ALK: variants seen among roughly 807,000 people sequenced by gnomAD.
The protein encoded by ALK is ALK receptor tyrosine kinase, also known as ALK tyrosine kinase receptor.
A neutral mutation model predicts 163.1 loss-of-function variants in ALK; 74 were observed. The observed-to-expected ratio is 0.45, with a 90% CI of 0.38 to 0.55. The LOEUF (loss-of-function observed/expected upper bound fraction) is 0.55. Ranked by LOEUF, ALK falls within the 20% of genes least tolerant of loss-of-function variation. The pLI, the probability that ALK is intolerant of heterozygous loss-of-function variation, is 0.00. For missense variants in ALK, 2,063 were observed against 2,105.3 expected, an observed-to-expected ratio of 0.98 and a Z score of 0.39; for synonymous variants, 960 against 843.2, an observed-to-expected ratio of 1.14 and a Z score of -2.40.
At chr2:29,849,144 C>G (rs1665929810) in intron 1 of ALK, among the ~76,000 whole-genome samples, 1 of 152,178 alleles carries the variant, frequency 6.6e-6, no homozygotes, top group Admixed American at 6.5e-5. Flanking sequence ...TCCTGAGGGC[C>G]CCACTCGGGC....
chr2:29,398,911 G>A (rs556025342), intron 4 of ALK, among the ~76,000 whole-genome samples: 1 of 152,266 alleles, frequency 6.6e-6, no homozygotes, highest in Admixed American at 6.5e-5. Flanking sequence ...CTGCTCCAAG[G>A]CAGTTAATGG....
chr2:29,268,188 G>A (rs1164913401), intron 11 of ALK, among the ~76,000 whole-genome samples: 1 of 152,186 alleles, frequency 6.6e-6, no homozygotes, highest in Non-Finnish European at 1.5e-5. Flanking sequence ...GGTTCATGAG[G>A]CATCTTTGAG....
intron 1 of ALK, among the ~76,000 whole-genome samples, chr2:29,725,639 CTT>C (rs369165796): frequency 2.7e-5 from 4 of 145,576 alleles, no homozygotes; most frequent in African/African-American, 5.0e-5. Flanking sequence ...GATTTCTTTT[CTT>C]TTTTTTTTTG....
chr2:29,883,942 A>G (rs1291652534), intron 1 of ALK, among the ~76,000 whole-genome samples: 1 of 152,226 alleles, frequency 6.6e-6, no homozygotes, highest in Admixed American at 6.5e-5. Flanking sequence ...TTACTACCAT[A>G]AAACATACAC....
intron 4 of ALK, among the ~76,000 whole-genome samples, chr2:29,416,176 G>A (rs1669872049): frequency 6.6e-6 from 1 of 152,242 alleles, no homozygotes; most frequent in Non-Finnish European, 1.5e-5. Flanking sequence ...AGAACCCTGA[G>A]TGAATACAAG....
intron 1 of ALK, among the ~76,000 whole-genome samples, chr2:29,825,615 A>T (rs1195882896): frequency 6.6e-6 from 1 of 152,178 alleles, no homozygotes; most frequent in African/African-American, 2.4e-5. Context: ...CAGATTAAGG[A>T]TGATGACTTC....
At chr2:29,917,182 C>G (rs982656091) in intron 1 of ALK, among the ~76,000 whole-genome samples, 5 of 152,110 alleles carry the variant, frequency 3.3e-5, no homozygotes, top group African/African-American at 9.7e-5. Context: ...TGGTCTGAGC[C>G]AAATGGGCTG....
At chr2:29,525,164 C>A (rs1184798267) in intron 4 of ALK, among the ~76,000 whole-genome samples, 1 of 152,098 alleles carries the variant, frequency 6.6e-6, no homozygotes, top group African/African-American at 2.4e-5. Context: ...CCTTGGATAC[C>A]CTCCAGCTAC....
intron 3 of ALK, among the ~76,000 whole-genome samples, chr2:29,626,656 G>A (rs1207083897): frequency 6.6e-6 from 1 of 152,210 alleles, no homozygotes; most frequent in Non-Finnish European, 1.5e-5. Flanking sequence ...CCCTCCCCAT[G>A]TGAGGACACA....
At chr2:29,887,366 T>C (rs1056188701) in intron 1 of ALK, among the ~76,000 whole-genome samples, 2 of 152,190 alleles carry the variant, frequency 1.3e-5, no homozygotes, top group Admixed American at 6.5e-5. Flanking sequence ...CTCAGAGCAC[T>C]TGGAAGTCTT....
intron 1 of ALK, among the ~76,000 whole-genome samples, chr2:29,833,982 G>A (rs147167746): frequency 6.6e-5 from 10 of 152,278 alleles, no homozygotes; most frequent in African/African-American, 2.4e-4. Context: ...TCAAGCCAGG[G>A]AGCACAGTTT....
At chr2:29,219,630 A>C (rs1438368588) in intron 23 of ALK, among the ~76,000 whole-genome samples, 1 of 152,210 alleles carries the variant, frequency 6.6e-6, no homozygotes, top group Admixed American at 6.5e-5. Context: ...GGCCTGCTGA[A>C]GACCTGCAGA....
chr2:29,674,917 C>T (rs991840819), intron 3 of ALK, among the ~76,000 whole-genome samples: 8 of 126,654 alleles, frequency 6.3e-5, no homozygotes, highest in East Asian at 4.4e-4. Context: ...GTGTATGTGT[C>T]GAGGAATTTA....
At chr2:29,324,952 G>A (rs1667206470) in intron 6 of ALK, among the ~76,000 whole-genome samples, 1 of 152,154 alleles carries the variant, frequency 6.6e-6, no homozygotes, top group Admixed American at 6.5e-5. Context: ...ACTCATCCTG[G>A]ACAACTGTTA....
chr2:29,523,375 T>C (rs572263655), intron 4 of ALK, among the ~76,000 whole-genome samples: 86 of 152,310 alleles, frequency 5.6e-4, no homozygotes, highest in African/African-American at 2.0e-3. Flanking sequence ...CATAACTGTG[T>C]CTGTCGTCCA....
chr2:29,414,968 T>C (rs1239498260), intron 4 of ALK, among the ~76,000 whole-genome samples: 1 of 151,920 alleles, frequency 6.6e-6, no homozygotes, highest in Non-Finnish European at 1.5e-5. Flanking sequence ...CGTGGAGGTG[T>C]GGCTCCAGGC....
chr2:29,848,308 A>G (rs1246607822), intron 1 of ALK, among the ~76,000 whole-genome samples: 2 of 151,692 alleles, frequency 1.3e-5, no homozygotes, highest in East Asian at 3.9e-4. Flanking sequence ...CAGAACATGC[A>G]GCCTGCATGT....
At chr2:29,655,761 T>C (rs965677496) in intron 3 of ALK, among the ~76,000 whole-genome samples, 4 of 152,326 alleles carry the variant, frequency 2.6e-5, no homozygotes, top group Admixed American at 1.3e-4. Flanking sequence ...ATACTCTTCA[T>C]AGAAAGAAAA....
chr2:29,722,501 C>T (rs1003478686), intron 1 of ALK, among the ~76,000 whole-genome samples: 11 of 152,210 alleles, frequency 7.2e-5, no homozygotes, highest in African/African-American at 2.4e-4. Flanking sequence ...GAAAACCATA[C>T]AGTGAATTTC....
Sources: allele counts gnomAD v4.1 joint callset (sites outside exome capture counted in the v4.1 genomes callset), GRCh38; gene constraint gnomAD v4.1.1; transcripts MANE v1.5; gene names NCBI Gene and HGNC (gene_info 2026-07-23, HGNC 2026-07-21).